Variants in SNX29 observed in about 807,000 individuals in gnomAD.
SNX29 encodes sorting nexin-29.
In SNX29, 78 loss-of-function variants were observed where a neutral mutation model predicts 102.1. The observed-to-expected ratio is 0.76, with a 90% CI of 0.64 to 0.92. The LOEUF (loss-of-function observed/expected upper bound fraction) is 0.92, where lower values mean the gene tolerates loss of function less well. Among genes scored for constraint, SNX29 ranks in the 40% least tolerant of loss-of-function variants. The pLI, the probability that SNX29 is intolerant of heterozygous loss-of-function variation, is 0.00. For missense variants in SNX29, 1,280 were observed against 1,061.7 expected, an observed-to-expected ratio of 1.21 and a Z score of -2.86; for synonymous variants, 580 against 414.5, an observed-to-expected ratio of 1.40 and a Z score of -4.85.
intron 14 of SNX29, among the ~76,000 whole-genome samples, chr16:12,275,291 G>T (rs1293219296): frequency 1.3e-5 from 2 of 152,072 alleles, no homozygotes; most frequent in Non-Finnish European, 2.9e-5. Context: ...GGAATGAGTG[G>T]GGCTGGGGAG....
At chr16:12,312,775 G>T (rs919044697) in intron 15 of SNX29, among the ~76,000 whole-genome samples, 3 of 151,998 alleles carry the variant, frequency 2.0e-5, no homozygotes, top group African/African-American at 7.3e-5. Flanking sequence ...TGATATTCGT[G>T]ATGTATTATT....
chr16:12,368,583 C>G (rs991034785), intron 16 of SNX29, among the ~76,000 whole-genome samples: 54 of 152,178 alleles, frequency 3.5e-4, no homozygotes, highest in African/African-American at 1.3e-3. Context: ...TGACTTGTGT[C>G]TCTCTGGCTT....
intron 11 of SNX29, chr16:12,088,220 G>A (rs918105352): frequency 1.2e-5 from 5 of 422,560 alleles, no homozygotes; most frequent in Admixed American, 5.0e-5. Context: ...AACAGATCTG[G>A]TCAGCTGATC....
In SNX29 at chr16:12,571,645, G is replaced by A. The variant is rs114977260; in HGVS notation, c.*3016G>A. On this transcript the variant is annotated 3_prime_UTR_variant, in exon 21 of 21. Coordinates refer to ENST00000566228, the MANE Select transcript of SNX29 (RefSeq NM_032167.5). ...ATCTTTTTTTCTCCCCCAGATGAAA[G>A]ACGACTCAGGAACGGTAGGGCTGGG... 4.7e-4 allele frequency: 493 copies of A among 1,058,878 alleles called. 4 individuals are homozygous for A. The African/African-American group carries it at 7.5e-3, about 16-fold the overall frequency. The allele number at this position is 1,058,878 out of a possible 1,614,324, so 65.6% of individuals were successfully genotyped here. A position where few individuals can be genotyped will look rare whatever the true frequency, so the allele number is the denominator to read the frequency against.
chr16:12,393,234 T>C (rs2083593679), intron 16 of SNX29, among the ~76,000 whole-genome samples: 1 of 152,180 alleles, frequency 6.6e-6, no homozygotes, highest in Non-Finnish European at 1.5e-5. Flanking sequence ...ACCTGGTAAT[T>C]AGAAGAAAGA....
At chr16:12,553,059 C>G (rs1376352374) in intron 20 of SNX29, among the ~76,000 whole-genome samples, 3 of 152,230 alleles carry the variant, frequency 2.0e-5, no homozygotes, top group Non-Finnish European at 4.4e-5. Flanking sequence ...GAGATGGTAA[C>G]TGCAAAGCAA....
At chr16:12,540,560 G>A (rs938969931) in intron 20 of SNX29, among the ~76,000 whole-genome samples, 1 of 152,222 alleles carries the variant, frequency 6.6e-6, no homozygotes, top group African/African-American at 2.4e-5. Flanking sequence ...CCTATGCCAT[G>A]GCCCCTTCTT....
chr16:12,538,444 G>A (rs968217655), intron 20 of SNX29, among the ~76,000 whole-genome samples: 4 of 152,076 alleles, frequency 2.6e-5, no homozygotes, highest in South Asian at 2.1e-4. Flanking sequence ...ATGGTTACTT[G>A]GTTTGGTTAT....
intron 11 of SNX29, chr16:12,093,856 C>T (rs2052661816): frequency 6.6e-6 from 1 of 152,194 alleles, no homozygotes; most frequent in Admixed American, 6.5e-5. Flanking sequence ...GGAGAAGTTC[C>T]TTTGCTTTCA....
intron 20 of SNX29, among the ~76,000 whole-genome samples, chr16:12,547,832 C>T (rs2077706118): frequency 6.6e-6 from 1 of 152,208 alleles, no homozygotes; most frequent in Non-Finnish European, 1.5e-5. Context: ...CCTTACTGAG[C>T]CCCAGATTCC....
At chr16:12,375,641 G>A (rs981331582) in intron 16 of SNX29, 11 of 152,248 alleles carry the variant, frequency 7.2e-5, no homozygotes, top group African/African-American at 2.7e-4. Context: ...GCCACCCTCG[G>A]TTTCTTGCCT....
At chr16:12,453,894 T>C (rs903316945) in intron 18 of SNX29, among the ~76,000 whole-genome samples, 2 of 152,142 alleles carry the variant, frequency 1.3e-5, no homozygotes, top group Non-Finnish European at 2.9e-5. Context: ...ATGTGGTAAT[T>C]GGATGTATAG....
At chr16:12,492,559 CT>C (rs1056943654) in intron 19 of SNX29, among the ~76,000 whole-genome samples, 72 of 152,170 alleles carry the variant, frequency 4.7e-4, no homozygotes, top group African/African-American at 1.6e-3. Flanking sequence ...TCAATTTTGG[CT>C]TTTGTTGCCA....
intron 19 of SNX29, among the ~76,000 whole-genome samples, chr16:12,510,642 C>G (rs1339659111): frequency 6.6e-6 from 1 of 151,956 alleles, no homozygotes; most frequent in African/African-American, 2.4e-5. Context: ...CACTGCACTC[C>G]AGCCTGGGCG....
rs1271194250 is a variant in SNX29 at position 12,461,979 on chromosome 16, ATATATAT to A, written c.2038-15739_2038-15733del. The stretch of plus-strand genomic sequence containing the variant: ...TCAAAAAAAAAAAAAAAAAAAAAAA[ATATATAT>A]ATATATATATATATATATATATATA... On this transcript the variant is annotated intron_variant, in intron 18 of 20. Coordinates refer to ENST00000566228, the MANE Select transcript of SNX29 (RefSeq NM_032167.5). Among the ~76,000 whole-genome samples the A allele has an allele frequency of 1.3e-3, 37 of 27,772 alleles. 1 individual carries two copies. The highest frequency in any genetic ancestry group is 3.5e-3 in the African/African-American group (19 of 5,474). The allele number at this position is 27,772 out of a possible 152,430, so 18.2% of individuals were successfully genotyped here. A position where few individuals can be genotyped will look rare whatever the true frequency, so the allele number is the denominator to read the frequency against.
chr16:12,565,258 G>T (rs1465561), intron 20 of SNX29, among the ~76,000 whole-genome samples: 4 of 152,014 alleles, frequency 2.6e-5, no homozygotes, highest in East Asian at 1.9e-4. Flanking sequence ...GATGGCAGTT[G>T]CAAGAGGTTC....
intron 18 of SNX29, among the ~76,000 whole-genome samples, chr16:12,438,168 C>G (rs1597378968): frequency 1.3e-5 from 2 of 152,224 alleles, no homozygotes; most frequent in East Asian, 3.9e-4. Context: ...CATCTCTGGA[C>G]TATCTTTATT....
intron 18 of SNX29, among the ~76,000 whole-genome samples, chr16:12,421,449 G>A (rs565716098): frequency 6.6e-6 from 1 of 152,330 alleles, no homozygotes; most frequent in African/African-American, 2.4e-5. Context: ...AAAGCCAGCT[G>A]TGTTGTAAAC....
intron 18 of SNX29, among the ~76,000 whole-genome samples, chr16:12,406,063 C>T (rs960955844): frequency 6.6e-5 from 10 of 151,406 alleles, no homozygotes; most frequent in Admixed American, 4.6e-4. Flanking sequence ...CTATTTAATT[C>T]CACAAAAGAT....
Sources: allele counts gnomAD v4.1 joint callset (sites outside exome capture counted in the v4.1 genomes callset), GRCh38; gene constraint gnomAD v4.1.1; transcripts MANE v1.5; gene names NCBI Gene and HGNC (gene_info 2026-07-23, HGNC 2026-07-21).